Variants in RET observed in about 807,000 individuals in gnomAD.
RET encodes the protein proto-oncogene tyrosine-protein kinase receptor Ret.
RET carries 19 observed loss-of-function variants against 118.3 expected under a neutral mutation model. That is an observed-to-expected ratio of 0.16 (90% CI 0.11 to 0.24). The LOEUF is 0.24. Ranked by LOEUF, RET falls within the 10% of genes least tolerant of loss-of-function variation. The probability of loss-of-function intolerance (pLI) is 1.00; values close to 1 mark genes in which losing one functional copy is unlikely to be tolerated. For missense variants in RET, 1,219 were observed against 1,502.1 expected, an observed-to-expected ratio of 0.81 and a Z score of 3.12; for synonymous variants, 597 against 644.1, an observed-to-expected ratio of 0.93 and a Z score of 1.11.
At chr10:43,110,728 C>G (rs562400581) in intron 6 of RET, among the ~76,000 whole-genome samples, 56 of 152,252 alleles carry the variant, frequency 3.7e-4, no homozygotes, top group African/African-American at 1.3e-3. Flanking sequence ...GTGCTCTGAC[C>G]AGGGGACACC....
chr10:43,107,319 A>G (rs1418718310), intron 5 of RET, among the ~76,000 whole-genome samples: 1 of 152,156 alleles, frequency 6.6e-6, no homozygotes, highest in Non-Finnish European at 1.5e-5. Context: ...CTGGCACTGA[A>G]CACCCTGTGT....
At chr10:43,100,341 G>A (rs2132654081) in intron 1 of RET, 118 bp from the exon 2 acceptor site, 1 of 1,177,714 alleles carries the variant, frequency 8.5e-7, no homozygotes, top group Non-Finnish European at 1.2e-6. Flanking sequence ...ATGTTCTCAG[G>A]AACAGAGATG....
chr10:43,109,097 A>G lies in RET; in HGVS notation c.1130A>G (p.Asn377Ser), dbSNP rs1588869351. ...ACCATGCAGCTGGCGGTGCTGGTCAATGACTCAGACTTCCAGGGCCCAGGA... is the reference window on the plus strand; with the variant it reads ...ACCATGCAGCTGGCGGTGCTGGTCAGTGACTCAGACTTCCAGGGCCCAGGA... ...NRTMQLAVLV[N>S]DSDFQGPGAG... is the part of the protein sequence containing the mutation. Residue 377 changes from asparagine to serine, a missense_variant, in exon 6 of 20, where the codon AAT becomes AGT. Asn to Ser is a conservative substitution (Grantham distance 46, BLOSUM62 1). Transcript: ENST00000355710. 6.2e-7 allele frequency: 1 copy of G among 1,613,846 alleles called. No individual in the cohort carries two copies. The highest frequency in any genetic ancestry group is 8.5e-7 in the Non-Finnish European group (1 of 1,180,032).
chr10:43,111,255 G>A lies in RET; in HGVS notation c.1312G>A (p.Val438Ile), dbSNP rs774474422. The A allele has an allele frequency of 1.2e-5, 19 of 1,614,044 alleles. No homozygotes were observed. Among genetic ancestry groups the A allele is most frequent in the African/African-American group, 4.0e-5 (3 of 74,940 alleles). The change falls in exon 7 of 20, where the codon GTC (valine) becomes ATC (isoleucine). Residue 438 changes from valine (V) to isoleucine (I), a missense_variant. Val to Ile is a conservative substitution (Grantham distance 29). Transcript: ENST00000355710. Reference protein sequence around the residue: ...ENCQAFSGINVQYKLHSSGAN... With the variant: ...ENCQAFSGINIQYKLHSSGAN... ...CTGCCAGGCATTCAGTGGCATCAACGTCCAGTACAAGCTGCATTCCTCTGG... is the reference window on the plus strand; with the variant it reads ...CTGCCAGGCATTCAGTGGCATCAACATCCAGTACAAGCTGCATTCCTCTGG...
chr10:43,114,854 G>GTCTGCCC lies in RET; in HGVS notation c.2136+118_2136+119insTCTGCCC. On this transcript the variant is annotated intron_variant, in intron 11 of 19. Transcript: ENST00000355710. The surrounding 1 kb of genome is among the most constrained non-coding windows in gnomAD (Gnocchi z 4.6). ...GAGGGGCTGCCAACGCTGGGCAGAC[G>GTCTGCCC]AGGCCTGTGTTCTGCCCCCATTTCC... is the stretch of plus-strand genomic sequence containing the variant. 8.8e-7 allele frequency: 1 copy of GTCTGCCC among 1,133,350 alleles called. No individual in the cohort carries two copies. The highest frequency in any genetic ancestry group is 1.2e-6 in the Non-Finnish European group (1 of 812,356). 70.2% of individuals were successfully genotyped at this position (1,133,350 alleles called of 1,614,324 possible).
intron 1 of RET, among the ~76,000 whole-genome samples, chr10:43,093,962 C>G (rs867392360): frequency 2.1e-4 from 32 of 152,022 alleles, no homozygotes; most frequent in South Asian, 2.1e-4. Flanking sequence ...GCCAAGCATC[C>G]AGTTCAGCAG....
chr10:43,102,777 C>T, intron 3 of RET, 148 bp downstream of exon 3: 1 of 946,258 alleles, frequency 1.1e-6, no homozygotes, highest in East Asian at 2.6e-5. Context: ...GCATGCCTGC[C>T]AGGGGCCAGG....
intron 12 of RET, 56 bp from the exon 13 acceptor site, chr10:43,118,317 C>G (rs1838120251): frequency 7.1e-7 from 1 of 1,404,428 alleles, no homozygotes; most frequent in South Asian, 1.2e-5. Context: ...CTGGTATGGT[C>G]ATGGAAGGGG....
intron 17 of RET, among the ~76,000 whole-genome samples, chr10:43,124,361 C>T (rs946918664): frequency 1.3e-5 from 2 of 152,116 alleles, no homozygotes; most frequent in Non-Finnish European, 2.9e-5. Flanking sequence ...CCAGGTACCA[C>T]CTCCCTGGGC....
At chr10:43,104,912 G>T in intron 3 of RET, 40 bp from the exon 4 acceptor site, 2 of 1,543,016 alleles carry the variant, frequency 1.3e-6, no homozygotes, top group Non-Finnish European at 1.7e-6. Flanking sequence ...CCCGGTCCCG[G>T]CTGGTGATCA....
chr10:43,108,080 C>T lies in RET; in HGVS notation c.1064-951C>T, dbSNP rs12253448. ...ATTTTATGGACCAGGCATAGTGGCT[C>T]ACGCCTGTAATCCCAGCACTTTAGG... On this transcript the variant is annotated intron_variant, in intron 5 of 19. Transcript: ENST00000355710. Among the ~76,000 whole-genome samples the T allele has an allele frequency of 2.6e-3, 391 of 151,960 alleles. 1 individual carries two copies. The highest frequency in any genetic ancestry group is 8.8e-3 in the African/African-American group (366 of 41,432).
chr10:43,085,352 C>G (rs1837267421), intron 1 of RET, among the ~76,000 whole-genome samples: 1 of 152,188 alleles, frequency 6.6e-6, no homozygotes, highest in Non-Finnish European at 1.5e-5. Flanking sequence ...CTGCTGAACT[C>G]TCTCCTTTCT....
At position 43,100,189 on chromosome 10, in the gene RET, A is replaced by G. The variant is rs187855359; in HGVS notation, c.74-270A>G. On this transcript the variant is annotated intron_variant, in intron 1 of 19. Transcript: ENST00000355710. ...CTGGGTGACCTGTTGAGAAGTCTGT[A>G]TGGTTCAGGTGCCCTTCCGGCTTGG... 1.9e-3 allele frequency among the ~76,000 whole-genome samples: 288 copies of G among 152,248 alleles called. 1 individual carries two copies. The highest frequency in any genetic ancestry group is 6.8e-3 in the Middle Eastern group (2 of 294).
intron 19 of RET, chr10:43,126,990 G>T (rs1272412284): frequency 2.9e-6 from 4 of 1,379,890 alleles, no homozygotes; most frequent in Middle Eastern, 5.4e-4. Flanking sequence ...GATCAGGGCG[G>T]AACTCTCAGG....
At chr10:43,080,152 G>A (rs1361344562) in intron 1 of RET, among the ~76,000 whole-genome samples, 2 of 152,198 alleles carry the variant, frequency 1.3e-5, no homozygotes, top group Non-Finnish European at 2.9e-5. Context: ...ATCACCTAGC[G>A]GGGAGCTAAT....
chr10:43,118,039 T>A (rs1375461294), intron 12 of RET, among the ~76,000 whole-genome samples: 1 of 152,148 alleles, frequency 6.6e-6, no homozygotes, highest in African/African-American at 2.4e-5. Flanking sequence ...CTTTCCAGAA[T>A]GATTAATGCG....
intron 18 of RET, among the ~76,000 whole-genome samples, chr10:43,126,061 C>T (rs567563616): frequency 6.6e-6 from 1 of 152,304 alleles, no homozygotes; most frequent in Non-Finnish European, 1.5e-5. Flanking sequence ...ACAGCGCTGT[C>T]AGATTTCAGA....
chr10:43,091,110 C>T (rs1837400990), intron 1 of RET, among the ~76,000 whole-genome samples: 1 of 151,892 alleles, frequency 6.6e-6, no homozygotes, highest in African/African-American at 2.4e-5. Context: ...AAACTGGGAT[C>T]CCCCTATAAA....
At chr10:43,079,433 C>G (rs1285416457) in intron 1 of RET, among the ~76,000 whole-genome samples, 1 of 152,208 alleles carries the variant, frequency 6.6e-6, no homozygotes, top group African/African-American at 2.4e-5. Context: ...GAGAGAACCT[C>G]CATCTAAAAG....
Sources: gnomAD v4.1 joint callset for allele counts (sites outside exome capture counted in the v4.1 genomes callset) on GRCh38, gnomAD v4.1.1 for gene constraint, Gnocchi (gnomAD v3.1) non-coding constraint, MANE v1.5 for transcripts, NCBI Gene and HGNC (gene_info 2026-07-23, HGNC 2026-07-21) for gene names.